Variants in FBXL17 observed in about 807,000 individuals in gnomAD.
FBXL17 encodes the protein F-box and leucine rich repeat protein 17.
A neutral mutation model predicts 66.2 loss-of-function variants in FBXL17; 22 were observed. The ratio of observed to expected loss-of-function variants is 0.33; its 90% CI spans 0.24 to 0.47. The LOEUF (loss-of-function observed/expected upper bound fraction) is 0.47, where lower values mean the gene tolerates loss of function less well. FBXL17 is among the 20% of genes least tolerant of loss of function. FBXL17 has a pLI of 1.00. For synonymous variants in FBXL17, 474 were observed against 400.5 expected (o/e 1.18, Z -2.19); for missense variants, 878 against 948.2 (o/e 0.93, Z 0.97).
At chr5:108,293,455 T>A (rs190831227) in intron 4 of FBXL17, among the ~76,000 whole-genome samples, 44 of 152,284 alleles carry the variant, frequency 2.9e-4, no homozygotes, top group Non-Finnish European at 5.7e-4. Context: ...TACTTCTGTT[T>A]CCTCTATAAT....
intron 4 of FBXL17, among the ~76,000 whole-genome samples, chr5:108,296,912 T>C (rs898974218): frequency 4.0e-5 from 6 of 151,722 alleles, no homozygotes; most frequent in South Asian, 4.1e-4. Context: ...GTTTTTAATA[T>C]ACCTAATTCC....
intron 4 of FBXL17, among the ~76,000 whole-genome samples, chr5:108,240,036 G>A (rs1388847177): frequency 1.3e-5 from 2 of 152,024 alleles, no homozygotes; most frequent in African/African-American, 2.4e-5. Flanking sequence ...AAGAGCCCTT[G>A]GGGCCTGAAT....
chr5:107,937,641 G>A (rs148262393), intron 7 of FBXL17, among the ~76,000 whole-genome samples: 124 of 152,226 alleles, frequency 8.1e-4, no homozygotes, highest in African/African-American at 2.8e-3. Flanking sequence ...GCTCCTTGAA[G>A]GTAGAAACTG....
chr5:108,190,823 C>T (rs1753441926), intron 5 of FBXL17, among the ~76,000 whole-genome samples: 1 of 152,092 alleles, frequency 6.6e-6, no homozygotes, highest in African/African-American at 2.4e-5. Context: ...TTACAGCTAG[C>T]TTTCTTTATA....
intron 4 of FBXL17, among the ~76,000 whole-genome samples, chr5:108,253,672 G>A (rs1403091176): frequency 6.6e-6 from 1 of 152,060 alleles, no homozygotes; most frequent in Non-Finnish European, 1.5e-5. Flanking sequence ...TAAGAAGTAA[G>A]TACGCAAATA....
intron 7 of FBXL17, among the ~76,000 whole-genome samples, chr5:107,898,155 C>CT (rs1024106667): frequency 3.9e-4 from 59 of 152,066 alleles, no homozygotes; most frequent in African/African-American, 1.4e-3. Context: ...CGGTTTTGGA[C>CT]TTTTTTTTCT....
intron 6 of FBXL17, among the ~76,000 whole-genome samples, chr5:108,152,468 A>G (rs1322107909): frequency 6.6e-6 from 1 of 152,126 alleles, no homozygotes; most frequent in Non-Finnish European, 1.5e-5. Flanking sequence ...GGATATACTG[A>G]TAAGTGCATA....
intron 6 of FBXL17, among the ~76,000 whole-genome samples, chr5:108,180,506 TA>T (rs879884124): frequency 3.2e-4 from 47 of 144,746 alleles, no homozygotes; most frequent in Admixed American, 3.4e-4. Flanking sequence ...ACTCCGTCTT[TA>T]AAAAAAAAAA....
rs747213918 is a variant in FBXL17, at chr5:108,163,709, T to G, written c.1745+22408A>C. Among the ~76,000 whole-genome samples, 98 of 152,128 alleles carry G rather than the reference T, an allele frequency of 6.4e-4. 1 individual carries two copies. The highest frequency in any genetic ancestry group is 2.2e-3 in the Admixed American group (34 of 15,272). On this transcript the variant is annotated intron_variant, in intron 6 of 8. Coordinates refer to ENST00000542267, the MANE Select transcript of FBXL17 (RefSeq NM_001163315.3). ...AGCCACTGCTTCTGGCCTTAAAACA[T>G]TTTTTAAAATCTGTACTGAAGATAT...
intron 7 of FBXL17, among the ~76,000 whole-genome samples, chr5:107,989,220 A>G (rs1319843260): frequency 1.3e-5 from 2 of 152,062 alleles, no homozygotes; most frequent in Non-Finnish European, 2.9e-5. Flanking sequence ...CTATGCTATC[A>G]AACAATACCA....
At chr5:108,213,621 C>T (rs1754472667) in intron 5 of FBXL17, among the ~76,000 whole-genome samples, 2 of 152,176 alleles carry the variant, frequency 1.3e-5, no homozygotes, top group Non-Finnish European at 2.9e-5. Flanking sequence ...GCTGCAGCCA[C>T]TGTCCAACCA....
intron 8 of FBXL17, among the ~76,000 whole-genome samples, chr5:107,864,772 C>A (rs990885651): frequency 3.3e-5 from 5 of 152,208 alleles, no homozygotes; most frequent in African/African-American, 1.2e-4. Context: ...AAGCAGATGC[C>A]AACACTGCAC....
In FBXL17 at chr5:108,262,074, A is replaced by ATT. The variant is rs375770362; in HGVS notation, c.1507-37848_1507-37847dup. Among the ~76,000 whole-genome samples the ATT allele has an allele frequency of 7.4e-4, 100 of 135,744 alleles. 2 individuals carry two copies. The highest frequency in any genetic ancestry group is 2.8e-3 in the African/African-American group (86 of 30,326). The allele number at this position is 135,744 out of a possible 152,430, so 89.1% of individuals were successfully genotyped here. ...ACATATTTTATTTATTTATTTATTT[A>ATT]TTTATTTATTTATTTTTTTTGAGAC... On this transcript the variant is annotated intron_variant, in intron 4 of 8. Coordinates refer to ENST00000542267, the MANE Select transcript of FBXL17 (RefSeq NM_001163315.3).
intron 3 of FBXL17, among the ~76,000 whole-genome samples, chr5:108,351,350 A>C (rs576900557): frequency 6.6e-6 from 1 of 152,164 alleles, no homozygotes; most frequent in Non-Finnish European, 1.5e-5. Flanking sequence ...AAAGTGGGTA[A>C]GTTTTTTAAA....
intron 7 of FBXL17, among the ~76,000 whole-genome samples, chr5:107,992,735 T>C (rs1156935106): frequency 2.6e-5 from 4 of 152,188 alleles, no homozygotes; most frequent in African/African-American, 7.2e-5. Flanking sequence ...AATTAACCCA[T>C]AAACAAAAGC....
At chr5:107,924,935 G>A (rs904666640) in intron 7 of FBXL17, among the ~76,000 whole-genome samples, 6 of 152,160 alleles carry the variant, frequency 3.9e-5, no homozygotes, top group African/African-American at 1.4e-4. Flanking sequence ...ATGGTATAAT[G>A]CAATGAAAGA....
chr5:108,184,768 A>AAAG (rs33971373), intron 6 of FBXL17, among the ~76,000 whole-genome samples: 13 of 150,390 alleles, frequency 8.6e-5, no homozygotes, highest in African/African-American at 3.2e-4. Flanking sequence ...AAAAAAAAAA[A>AAAG]GAGGGAAAAT....
chr5:108,131,768 CTT>C (rs1373457652), intron 6 of FBXL17, among the ~76,000 whole-genome samples: 7 of 152,136 alleles, frequency 4.6e-5, no homozygotes, highest in South Asian at 4.2e-4. Flanking sequence ...TTCATTATAA[CTT>C]ATAGCTTTCT....
intron 7 of FBXL17, among the ~76,000 whole-genome samples, chr5:107,882,974 A>G (rs555366037): frequency 4.6e-5 from 7 of 152,216 alleles, no homozygotes; most frequent in Non-Finnish European, 8.8e-5. Flanking sequence ...GTCAATAGCT[A>G]TTGATTCTGG....
Sources: gnomAD v4.1 joint callset for allele counts (sites outside exome capture counted in the v4.1 genomes callset) on GRCh38, gnomAD v4.1.1 for gene constraint, MANE v1.5 for transcripts, NCBI Gene and HGNC (gene_info 2026-07-23, HGNC 2026-07-21) for gene names.